The following CDH19 variants were observed in gnomAD, a reference collection of about 807,000 sequenced individuals.
CDH19 encodes the protein cadherin 19, also known as cadherin-19.
A neutral mutation model predicts 64.2 loss-of-function variants in CDH19; 67 were observed. That is an observed-to-expected ratio of 1.04 (90% CI 0.86 to 1.28). CDH19 has a LOEUF of 1.28. Among genes scored for constraint, CDH19 ranks in the 50% most tolerant of loss-of-function variants. CDH19 has a pLI of 0.00. For missense variants in CDH19, 1,030 were observed against 929.0 expected (o/e 1.11, Z -1.41); for synonymous variants, 346 against 319.3 (o/e 1.08, Z -0.89).
chr18:66,580,447 T>C (rs1988390350), intron 1 of CDH19, among the ~76,000 whole-genome samples: 1 of 152,082 alleles, frequency 6.6e-6, no homozygotes, highest in African/African-American at 2.4e-5. Context: ...ATAATACTCT[T>C]GGCATAAAGC....
intron 9 of CDH19, among the ~76,000 whole-genome samples, chr18:66,526,832 C>CT (rs996660195): frequency 1.9e-4 from 28 of 150,770 alleles, no homozygotes; most frequent in Non-Finnish European, 3.6e-4. Flanking sequence ...TTTCATCATT[C>CT]TTTTTTTTTA....
Position 66,544,204 on chromosome 18 carries a change from C to T in CDH19, c.981G>A (p.Gln327=). ...ILKKKVDFEH[Q]NHYGIRAKVK... is the part of the protein sequence containing the mutation. ...CTTTTGCTCTAATACCGTAGTGGTTCTGGTGCTCAAAATCCACTTTCTGCA... is the reference window on the plus strand; with the variant it reads ...CTTTTGCTCTAATACCGTAGTGGTTTTGGTGCTCAAAATCCACTTTCTGCA... Residue 327 remains glutamine (Q), a synonymous_variant, in exon 7 of 12, where the codon CAG becomes CAA. Coordinates refer to ENST00000262150, the MANE Select transcript of CDH19 (RefSeq NM_021153.4). 6.2e-7 allele frequency: 1 copy of T among 1,612,916 alleles called. No homozygotes were observed. Among genetic ancestry groups the T allele is most frequent in the Non-Finnish European group, 8.5e-7 (1 of 1,179,458 alleles).
At chr18:66,603,124 C>T (rs1026034289) in intron 1 of CDH19, among the ~76,000 whole-genome samples, 6 of 150,218 alleles carry the variant, frequency 4.0e-5, no homozygotes, top group Non-Finnish European at 7.4e-5. Context: ...AAAACCTTTG[C>T]CACTCTATTT....
intron 1 of CDH19, among the ~76,000 whole-genome samples, chr18:66,590,263 C>T (rs1988704646): frequency 6.6e-6 from 1 of 151,886 alleles, no homozygotes; most frequent in South Asian, 2.1e-4. Context: ...GTCAACCATA[C>T]TGAGTGTTTA....
intron 7 of CDH19, among the ~76,000 whole-genome samples, chr18:66,542,310 G>T (rs2144478826): frequency 6.6e-6 from 1 of 152,132 alleles, no homozygotes; most frequent in Non-Finnish European, 1.5e-5. Flanking sequence ...AAATTAAATT[G>T]AGCTTTTTCA....
chr18:66,523,620 G>C (rs934951620), intron 9 of CDH19, among the ~76,000 whole-genome samples: 2 of 151,992 alleles, frequency 1.3e-5, no homozygotes, highest in South Asian at 2.1e-4. Flanking sequence ...GTGGGGGTGG[G>C]GGGGGAGTGG....
intron 3 of CDH19, 105 bp downstream of exon 3, chr18:66,568,311 A>G: frequency 1.3e-6 from 1 of 793,158 alleles, no homozygotes. Flanking sequence ...TGTAGAAGGA[A>G]GTTCTAGTAT....
At chr18:66,521,095 A>C (rs1160785141) in intron 9 of CDH19, among the ~76,000 whole-genome samples, 3 of 152,100 alleles carry the variant, frequency 2.0e-5, no homozygotes, top group South Asian at 4.1e-4. Flanking sequence ...TATACACACA[A>C]GTAATTCATC....
At chr18:66,517,563 C>A (rs1208204176) in intron 9 of CDH19, among the ~76,000 whole-genome samples, 1 of 151,930 alleles carries the variant, frequency 6.6e-6, no homozygotes, top group Non-Finnish European at 1.5e-5. Context: ...ATTTTGTTTA[C>A]CCACATAGGT....
intron 3 of CDH19, among the ~76,000 whole-genome samples, chr18:66,560,752 T>G (rs901565620): frequency 6.6e-6 from 1 of 152,056 alleles, no homozygotes; most frequent in Admixed American, 6.6e-5. Flanking sequence ...GGGTGCATTA[T>G]CTGATAAGAA....
rs545033890 is a variant in CDH19 at position 66,585,161 on chromosome 18, G to A, written c.-112-12845C>T. Among the ~76,000 whole-genome samples, 5 of 151,842 alleles carry A rather than the reference G, an allele frequency of 3.3e-5. No homozygotes were observed. The South Asian group carries it at 8.4e-4, about 25-fold the overall frequency. Reference sequence around the variant, plus strand: ...TAATTGTCAAGTGAAATAAAGAAACGGAACACATACAATATAATTTCTTTA... The same window carrying A: ...TAATTGTCAAGTGAAATAAAGAAACAGAACACATACAATATAATTTCTTTA... On this transcript the variant is annotated intron_variant, in intron 1 of 11. Transcript: ENST00000262150.
rs559704634 is a variant in CDH19 at position 66,502,896 on chromosome 18, C to T, written c.*1916G>A. The T allele has an allele frequency of 6.6e-6, 1 of 151,922 alleles. No individual in the cohort carries two copies. The highest frequency in any genetic ancestry group is 2.4e-5 in the African/African-American group (1 of 41,524). The allele number at this position is 151,922 out of a possible 1,614,324, so 9.4% of individuals were successfully genotyped here. A position where few individuals can be genotyped will look rare whatever the true frequency, so the allele number is the denominator to read the frequency against. On this transcript the variant is annotated 3_prime_UTR_variant, in exon 12 of 12. Transcript: ENST00000262150. ...TTTTGTGAAATGATAATATTTGTGT[C>T]ACCAATTTAATGGTGCCTGTTTCAG...
At chr18:66,581,772 C>A (rs533602200) in intron 1 of CDH19, among the ~76,000 whole-genome samples, 1 of 152,064 alleles carries the variant, frequency 6.6e-6, no homozygotes, top group Non-Finnish European at 1.5e-5. Context: ...TGGCTTCCTA[C>A]CTCCTCAGCT....
chr18:66,582,050 GA>G (rs1471868947), intron 1 of CDH19, among the ~76,000 whole-genome samples: 1 of 151,844 alleles, frequency 6.6e-6, no homozygotes, highest in Non-Finnish European at 1.5e-5. Flanking sequence ...TTGAATGGAA[GA>G]AAAAAATGCA....
At chr18:66,561,770 TTTAA>T (rs1332518762) in intron 3 of CDH19, among the ~76,000 whole-genome samples, 4 of 152,210 alleles carry the variant, frequency 2.6e-5, no homozygotes, top group South Asian at 2.1e-4. Flanking sequence ...AGAATCATAC[TTTAA>T]TTAGAGTAGC....
chr18:66,550,464 G>A (rs483267), intron 5 of CDH19, among the ~76,000 whole-genome samples: 6,387 of 152,202 alleles, frequency 0.042, 474 homozygotes, highest in African/African-American at 0.15. Flanking sequence ...AGTGGCAAAA[G>A]AGAATTAAGT....
intron 1 of CDH19, among the ~76,000 whole-genome samples, chr18:66,594,663 T>G (rs1161866602): frequency 6.6e-6 from 1 of 151,818 alleles, no homozygotes; most frequent in Non-Finnish European, 1.5e-5. Flanking sequence ...CACCATGGAA[T>G]ACTATGCAGC....
At position 66,553,421 on chromosome 18, in the gene CDH19, A is replaced by G. The variant is rs1987410132; in HGVS notation, c.610+984T>C. Among the ~76,000 whole-genome samples the G allele has an allele frequency of 1.5e-5, 2 of 134,196 alleles. 1 individual carries two copies. Among genetic ancestry groups the G allele is most frequent in the South Asian group, 4.7e-4 (2 of 4,216 alleles). The allele number at this position is 134,196 out of a possible 152,430, so 88.0% of individuals were successfully genotyped here. A position where few individuals can be genotyped will look rare whatever the true frequency, so the allele number is the denominator to read the frequency against. On this transcript the variant is annotated intron_variant, in intron 4 of 11. Coordinates refer to ENST00000262150, the MANE Select transcript of CDH19 (RefSeq NM_021153.4). ...GGCCATGTACATTCCTGAGAGAATT[A>G]AGAACATAGGTACTCAAATAATATT...
chr18:66,590,130 T>C (rs138749821), intron 1 of CDH19, among the ~76,000 whole-genome samples: 1,973 of 151,958 alleles, frequency 0.013, 33 homozygotes, highest in African/African-American at 0.043. Context: ...TTTCAAAAGC[T>C]TGACAAAACA....
Sources: gnomAD v4.1 joint callset for allele counts (sites outside exome capture counted in the v4.1 genomes callset) on GRCh38, gnomAD v4.1.1 for gene constraint, MANE v1.5 for transcripts, NCBI Gene and HGNC (gene_info 2026-07-23, HGNC 2026-07-21) for gene names.